The following GREM2 variants were observed in gnomAD, a reference collection of about 807,000 sequenced individuals.
GREM2 encodes gremlin 2, DAN family BMP antagonist, also known as gremlin-2.
Under a neutral mutation model 14.2 loss-of-function variants are expected in GREM2, and 11 were observed. The observed-to-expected ratio is 0.78, with a 90% confidence interval of 0.49 to 1.28. The LOEUF is 1.28. GREM2 is among the 50% of genes most tolerant of loss of function. The probability of loss-of-function intolerance (pLI) is 0.00; values close to 1 mark genes in which losing one functional copy is unlikely to be tolerated. For missense variants in GREM2, 210 were observed against 218.5 expected (o/e 0.96, Z 0.24); for synonymous variants, 98 against 97.6 (o/e 1.00, Z -0.02).
At chr1:240,539,698 A>G (rs1442364980) in intron 1 of GREM2, among the ~76,000 whole-genome samples, 5 of 152,234 alleles carry the variant, frequency 3.3e-5, no homozygotes, top group African/African-American at 7.2e-5. Context: ...AAGGAGGAAA[A>G]GGGCAATTGA....
intron 1 of GREM2, among the ~76,000 whole-genome samples, chr1:240,604,688 T>C (rs1044143578): frequency 6.6e-6 from 1 of 152,182 alleles, no homozygotes; most frequent in African/African-American, 2.4e-5. Flanking sequence ...CTGGGCATGG[T>C]GGCTCCCGCC....
chr1:240,518,149 C>T (rs1312246748), intron 1 of GREM2, among the ~76,000 whole-genome samples: 2 of 152,108 alleles, frequency 1.3e-5, no homozygotes, highest in Non-Finnish European at 2.9e-5. Context: ...TATTCATTTC[C>T]ACAGTAAGAG....
intron 1 of GREM2, among the ~76,000 whole-genome samples, chr1:240,512,513 G>C (rs1677856733): frequency 3.3e-5 from 1 of 30,160 alleles, no homozygotes; most frequent in African/African-American, 6.3e-4. Context: ...TCTCACACAT[G>C]AGCTTTCTGT....
At chr1:240,601,484 A>T (rs1679923028) in intron 1 of GREM2, among the ~76,000 whole-genome samples, 1 of 152,236 alleles carries the variant, frequency 6.6e-6, no homozygotes, top group African/African-American at 2.4e-5. Flanking sequence ...CTGAATGCTT[A>T]TTTAGCCTCT....
chr1:240,500,362 G>A (rs988288487), intron 1 of GREM2, among the ~76,000 whole-genome samples: 4 of 151,382 alleles, frequency 2.6e-5, no homozygotes, highest in African/African-American at 7.3e-5. Context: ...GCAGTGGCGC[G>A]ATCTTGGCTC....
intron 1 of GREM2, among the ~76,000 whole-genome samples, chr1:240,535,224 C>A (rs921228909): frequency 6.6e-6 from 1 of 152,078 alleles, no homozygotes; most frequent in Non-Finnish European, 1.5e-5. Flanking sequence ...CCCACGATAA[C>A]AATCTGAGTT....
At chr1:240,598,321 G>C (rs1024883636) in intron 1 of GREM2, among the ~76,000 whole-genome samples, 4 of 152,152 alleles carry the variant, frequency 2.6e-5, no homozygotes, top group African/African-American at 9.7e-5. Flanking sequence ...TCTTTTAAAT[G>C]TCTGAAGTTG....
chr1:240,580,144 A>C (rs1679456928), intron 1 of GREM2, among the ~76,000 whole-genome samples: 1 of 152,148 alleles, frequency 6.6e-6, no homozygotes, highest in Admixed American at 6.5e-5. Flanking sequence ...TAATCCCAGC[A>C]CTTTGGGAGG....
intron 1 of GREM2, among the ~76,000 whole-genome samples, chr1:240,513,422 C>G (rs567282904): frequency 3.3e-5 from 5 of 151,738 alleles, no homozygotes; most frequent in Admixed American, 2.6e-4. Flanking sequence ...TAAAAATATA[C>G]AAATTAGCTG....
At chr1:240,536,618 A>AGCTACGTGCATGGG (rs1558153567) in intron 1 of GREM2, among the ~76,000 whole-genome samples, 1 of 150,850 alleles carries the variant, frequency 6.6e-6, no homozygotes, top group African/African-American at 2.5e-5. Context: ...AGCCATCTGT[A>AGCTACGTGCATGGG]GAGTTTAAGA....
intron 1 of GREM2, chr1:240,531,804 G>A (rs772042315): frequency 3.6e-5 from 15 of 415,674 alleles, no homozygotes; most frequent in Non-Finnish European, 4.5e-5. Context: ...CGCCTCCTGT[G>A]TTCAAGCGAT....
At chr1:240,510,144 C>T (rs539178114) in intron 1 of GREM2, among the ~76,000 whole-genome samples, 223 of 151,990 alleles carry the variant, frequency 1.5e-3, no homozygotes, top group African/African-American at 4.9e-3. Context: ...CCGAGGCGGG[C>T]GGATCACGAG....
chr1:240,586,599 A>G (rs1486935530), intron 1 of GREM2, among the ~76,000 whole-genome samples: 2 of 152,208 alleles, frequency 1.3e-5, no homozygotes, highest in Non-Finnish European at 2.9e-5. Context: ...GAGGAGAGAC[A>G]CATGAACCAG....
chr1:240,580,480 C>T (rs1313551139), intron 1 of GREM2, among the ~76,000 whole-genome samples: 1 of 152,180 alleles, frequency 6.6e-6, no homozygotes, highest in Non-Finnish European at 1.5e-5. Flanking sequence ...TGATGACTTG[C>T]TTTAACAAAA....
intron 1 of GREM2, among the ~76,000 whole-genome samples, chr1:240,528,972 C>T (rs981672536): frequency 1.3e-5 from 2 of 152,054 alleles, no homozygotes; most frequent in African/African-American, 4.8e-5. Context: ...TCCCTGTGTT[C>T]AGCAGCCAGA....
intron 1 of GREM2, among the ~76,000 whole-genome samples, chr1:240,604,306 CGTATGTGTGT>C (rs1199530433): frequency 8.2e-4 from 96 of 117,356 alleles, no homozygotes; most frequent in East Asian, 4.6e-3. Flanking sequence ...TATAACTATA[CGTATGTGTGT>C]GTGTGTGTGT....
chr1:240,601,231 C>T (rs1320357085), intron 1 of GREM2, among the ~76,000 whole-genome samples: 5 of 152,176 alleles, frequency 3.3e-5, no homozygotes, highest in Non-Finnish European at 7.3e-5. Flanking sequence ...TAAGACAGCG[C>T]TATACAACTT....
At chr1:240,521,455 C>T (rs1240113154) in intron 1 of GREM2, among the ~76,000 whole-genome samples, 10 of 151,502 alleles carry the variant, frequency 6.6e-5, no homozygotes, top group Non-Finnish European at 1.0e-4. Context: ...ACTGTAGTCC[C>T]AGCTACTCGA....
At chr1:240,567,548 T>A (rs1175281714) in intron 1 of GREM2, among the ~76,000 whole-genome samples, 2 of 152,128 alleles carry the variant, frequency 1.3e-5, no homozygotes, top group Non-Finnish European at 2.9e-5. Flanking sequence ...AAAAACCCGA[T>A]AAACCTAGAA....
Sources: allele counts gnomAD v4.1 joint callset (sites outside exome capture counted in the v4.1 genomes callset), GRCh38; gene constraint gnomAD v4.1.1; transcripts MANE v1.5; gene names NCBI Gene and HGNC (gene_info 2026-07-23, HGNC 2026-07-21).